The following SLC26A9 variants were observed in gnomAD, a reference collection of about 807,000 sequenced individuals.
SLC26A9 encodes the protein anion transporter/exchanger protein 9.
SLC26A9 carries 46 observed loss-of-function variants against 87.1 expected under a neutral mutation model. The observed-to-expected ratio is 0.53, with a 90% CI of 0.42 to 0.67. The LOEUF is 0.67. Among genes scored for constraint, SLC26A9 ranks in the 30% least tolerant of loss-of-function variants. The pLI is 0.00. For synonymous variants in SLC26A9, 437 were observed against 409.1 expected, an observed-to-expected ratio of 1.07 and a Z score of -0.82; for missense variants, 927 against 1,018.3, an observed-to-expected ratio of 0.91 and a Z score of 1.22.
At position 205,935,696 on chromosome 1, in the gene SLC26A9, C is replaced by T; in HGVS notation, c.125G>A (p.Arg42Lys). 6.2e-7 allele frequency: 1 copy of T among 1,614,006 alleles called. No homozygotes were observed. Among genetic ancestry groups the T allele is most frequent in the Non-Finnish European group, 8.5e-7 (1 of 1,179,918 alleles). The change falls in exon 2 of 21, where the codon AGA becomes AAA. Residue 42 changes from arginine (R) to lysine (K), a missense_variant and splice_region_variant. Physicochemically the swap from Arg to Lys is conservative, Grantham distance 26 (BLOSUM62 2). Transcript: ENST00000367135. ...GAAGTCTGGGCTCTGGACCAGTTAC[C>T]TGAAGGCATTGCGAAGTTTCTCTCC... ...PVGEKLRNAF[R>K]CSSAKIKAVV... is the part of the protein sequence containing the mutation.
In SLC26A9 at chr1:205,931,846, G is replaced by A. The variant is rs111358899; in HGVS notation, c.552+14C>T. Reference sequence around the variant, plus strand: ...CTGATGCCCTTCTAGCAGGGTTGGGGGCTGCCCCCTCACCTGGATGATGGC... The same window carrying A: ...CTGATGCCCTTCTAGCAGGGTTGGGAGCTGCCCCCTCACCTGGATGATGGC... On this transcript the variant is annotated intron_variant, in intron 5 of 20. Transcript: ENST00000367135. 5,159 of 1,609,090 alleles carry A rather than the reference G, an allele frequency of 3.2e-3. 86 individuals are homozygous for A. The highest frequency in any genetic ancestry group is 0.028 in the South Asian group (2,563 of 90,490).
chr1:205,938,426 A>G (rs550025406), intron 1 of SLC26A9, among the ~76,000 whole-genome samples: 1 of 152,020 alleles, frequency 6.6e-6, no homozygotes, highest in Non-Finnish European at 1.5e-5. Flanking sequence ...AACCCAGCCT[A>G]AACTCCCTGC....
In SLC26A9 at chr1:205,929,337, T is replaced by C. The variant is rs199728103; in HGVS notation, c.737A>G (p.Lys246Arg). The change falls in exon 7 of 21, where the codon AAA becomes AGA. Residue 246 changes from lysine (K) to arginine (R), a missense_variant. Transcript: ENST00000367135. The part of the protein sequence containing the change: ...SIVFTFIDIC[K>R]NLPHTNIASL... ...GGCGATGTTGGTGTGGGGGAGGTTT[T>C]TGCAAATGTCAATGAAGGTCTGGGG... The C allele has an allele frequency of 5.6e-6, 9 of 1,614,150 alleles. No homozygotes were observed. The highest frequency in any genetic ancestry group is 2.2e-5 in the East Asian group (1 of 44,882).
At chr1:205,927,407 G>T (rs887528354) in intron 10 of SLC26A9, 85 bp downstream of exon 10, 29 of 1,541,278 alleles carry the variant, frequency 1.9e-5, no homozygotes, top group Admixed American at 3.5e-5. Flanking sequence ...TCGGAGAAGA[G>T]CTGGCCTGGC....
At chr1:205,928,076 A>G in intron 8 of SLC26A9, 27 bp from the exon 9 acceptor site, 1 of 1,608,908 alleles carries the variant, frequency 6.2e-7, no homozygotes, top group East Asian at 2.2e-5. Flanking sequence ...AAGGAGGCAG[A>G]ACCCAAGGGT....
Position 205,914,137 on chromosome 1 carries a change from G to A in SLC26A9, c.*1220C>T, listed in dbSNP as rs1285263823. 7 of 152,178 alleles carry A rather than the reference G, an allele frequency of 4.6e-5. No individual in the cohort carries two copies. The highest frequency in any genetic ancestry group is 4.6e-4 in the Admixed American group (7 of 15,286). 9.4% of individuals were successfully genotyped at this position (152,178 alleles called of 1,614,324 possible). On this transcript the variant is annotated 3_prime_UTR_variant, in exon 21 of 21. Coordinates refer to ENST00000367135, the MANE Select transcript of SLC26A9 (RefSeq NM_052934.4). ...TCATCTTCATAGGAGAAGATGGCCT[G>A]AGGTCCTAAGGGTGTTAAAGAGTCT...
At position 205,916,711 on chromosome 1, in the gene SLC26A9, T is replaced by C. The variant is rs1369741614; in HGVS notation, c.2328+572A>G. On this transcript the variant is annotated intron_variant, in intron 20 of 20. Transcript: ENST00000367135. Reference sequence around the variant, plus strand: ...TGTATGTGGCTTGCTCAGGGTCACGTGGGTGATGTGTTGGAGAATAAGAAT... The same window carrying C: ...TGTATGTGGCTTGCTCAGGGTCACGCGGGTGATGTGTTGGAGAATAAGAAT... Among the ~76,000 whole-genome samples the C allele has an allele frequency of 3.3e-5, 5 of 152,236 alleles. No homozygotes were observed. The East Asian group carries it at 9.6e-4, about 29-fold the overall frequency.
At chr1:205,915,807 T>G (rs984350309) in intron 20 of SLC26A9, among the ~76,000 whole-genome samples, 1 of 152,118 alleles carries the variant, frequency 6.6e-6, no homozygotes, top group African/African-American at 2.4e-5. Context: ...GTGCTGGAGA[T>G]TCCAAGAGGG....
At chr1:205,934,743 C>G (rs1327141229) in intron 2 of SLC26A9, among the ~76,000 whole-genome samples, 1 of 152,192 alleles carries the variant, frequency 6.6e-6, no homozygotes, top group Admixed American at 6.5e-5. Context: ...AGACTTTGTG[C>G]CCTAAAGTCT....
At position 205,914,363 on chromosome 1, in the gene SLC26A9, A is replaced by C. The variant is rs919936529; in HGVS notation, c.*994T>G. ...AGGATAAGGCAGATTTACCAAAGGG[A>C]GGCATTTCCCTGATGGGCCCTGGGG... On this transcript the variant is annotated 3_prime_UTR_variant, in exon 21 of 21. Coordinates refer to ENST00000367135, the MANE Select transcript of SLC26A9 (RefSeq NM_052934.4). 1.3e-5 allele frequency: 2 copies of C among 153,690 alleles called. No individual in the cohort carries two copies. The highest frequency in any genetic ancestry group is 4.8e-5 in the African/African-American group (2 of 41,442). 9.5% of individuals were successfully genotyped at this position (153,690 alleles called of 1,614,324 possible). A position where few individuals can be genotyped will look rare whatever the true frequency, so the allele number is the denominator to read the frequency against.
At position 205,935,741 on chromosome 1, in the gene SLC26A9, T is replaced by C; in HGVS notation, c.80A>G (p.Lys27Arg). The change falls in exon 2 of 21, where the codon AAG becomes AGG. Residue 27 changes from lysine (K) to arginine (R), a missense_variant. Lys to Arg is a conservative substitution (Grantham distance 26, BLOSUM62 2). Coordinates refer to ENST00000367135, the MANE Select transcript of SLC26A9 (RefSeq NM_052934.4). ...CTCTCCCACTGGGTATGTCCGGTCC[T>C]TCTTCTCAAACTCATCGTCGAAGAG... ...LTLFDDEFEK[K>R]DRTYPVGEKL... The C allele has an allele frequency of 6.2e-7, 1 of 1,614,094 alleles. No individual in the cohort carries two copies. Among genetic ancestry groups the C allele is most frequent in the Non-Finnish European group, 8.5e-7 (1 of 1,179,976 alleles).
At chr1:205,937,837 A>G (rs1340785935) in intron 1 of SLC26A9, among the ~76,000 whole-genome samples, 1 of 152,088 alleles carries the variant, frequency 6.6e-6, no homozygotes, top group Non-Finnish European at 1.5e-5. Flanking sequence ...CTTGCTTCAG[A>G]AAAAGACTCA....
intron 12 of SLC26A9, among the ~76,000 whole-genome samples, chr1:205,925,908 T>C (rs562949015): frequency 6.6e-6 from 1 of 152,376 alleles, no homozygotes; most frequent in East Asian, 1.9e-4. Context: ...AGTGTGTGAC[T>C]AATCAGGACA....
At position 205,927,198 on chromosome 1, in the gene SLC26A9, G is replaced by A. The variant is rs1006041477; in HGVS notation, c.1293+13C>T. On this transcript the variant is annotated intron_variant, in intron 11 of 20. Transcript: ENST00000367135. ...GTCTTTCGTTGACTTCTGCTCGATG[G>A]CTGGGCTCTTACCTTAGGGAGAGGA... 2 of 1,613,784 alleles carry A rather than the reference G, an allele frequency of 1.2e-6. No individual in the cohort carries two copies. The highest frequency in any genetic ancestry group is 2.7e-5 in the African/African-American group (2 of 74,906).
In SLC26A9 at chr1:205,915,177, G is replaced by C. The variant is rs1553267977; in HGVS notation, c.*180C>G. 6.2e-7 allele frequency: 1 copy of C among 1,611,828 alleles called. No individual in the cohort carries two copies. Among genetic ancestry groups the C allele is most frequent in the Admixed American group, 1.7e-5 (1 of 59,926 alleles). On this transcript the variant is annotated 3_prime_UTR_variant, in exon 21 of 21. Transcript: ENST00000367135. The stretch of plus-strand genomic sequence containing the variant: ...GGTAGCACCCCCCTGCTGCTGAGAG[G>C]CTCTCTCTGGAGATGCGGGGAGGGA...
Position 205,915,510 on chromosome 1 carries a change from C to G in SLC26A9, c.2329-106G>C, listed in dbSNP as rs1002318975. ...TGACCCTAGGAACCCCTGGCCAGAA[C>G]AAAGCACCTGTGTGTGTGTGTGTGT... On this transcript the variant is annotated intron_variant, in intron 20 of 20. Coordinates refer to ENST00000367135, the MANE Select transcript of SLC26A9 (RefSeq NM_052934.4). 4.3e-6 allele frequency: 6 copies of G among 1,408,558 alleles called. No individual in the cohort carries two copies. In the African/African-American group the frequency reaches 9.6e-5, roughly 23 times the overall value. The allele number at this position is 1,408,558 out of a possible 1,614,324, so 87.3% of individuals were successfully genotyped here. A position where few individuals can be genotyped will look rare whatever the true frequency, so the allele number is the denominator to read the frequency against.
At position 205,923,591 on chromosome 1, in the gene SLC26A9, G is replaced by T; in HGVS notation, c.1519C>A (p.Gln507Lys). 1 of 1,614,194 alleles carries T rather than the reference G, an allele frequency of 6.2e-7. No homozygotes were observed. Among genetic ancestry groups the T allele is most frequent in the African/African-American group, 1.3e-5 (1 of 75,056 alleles). The change falls in exon 14 of 21, where the codon CAG becomes AAG. Residue 507 changes from glutamine (Q) to lysine (K), a missense_variant. Transcript: ENST00000367135. ...ACATAAATGTCAGTGTCCATGACCT[G>T]GGCCAGTGCATAGCCATTTCGACTG... ...TQFRNGYALA[Q>K]VMDTDIYVNP...
chr1:205,925,526 G>C (rs7367849), intron 12 of SLC26A9, among the ~76,000 whole-genome samples: 86,104 of 152,016 alleles, frequency 0.57, 26,570 homozygotes, highest in Non-Finnish European at 0.68. Flanking sequence ...AGATCCTTGG[G>C]CTGGGAACTG....
chr1:205,922,918 A>G (rs1268235306), intron 16 of SLC26A9, among the ~76,000 whole-genome samples, 164 bp downstream of exon 16: 2 of 152,072 alleles, frequency 1.3e-5, no homozygotes, highest in African/African-American at 4.8e-5. Flanking sequence ...AAAAGAAAAA[A>G]AAGAAGAAAA....
Sources: gnomAD v4.1 joint callset for allele counts (sites outside exome capture counted in the v4.1 genomes callset) on GRCh38, gnomAD v4.1.1 for gene constraint, MANE v1.5 for transcripts, NCBI Gene and HGNC (gene_info 2026-07-23, HGNC 2026-07-21) for gene names.